The following NUP160 variants were observed in gnomAD, a reference collection of about 807,000 sequenced individuals.
NUP160 encodes the protein nucleoporin 160.
NUP160 carries 94 observed loss-of-function variants against 196.9 expected under a neutral mutation model. The ratio of observed to expected loss-of-function variants is 0.48; its 90% confidence interval spans 0.40 to 0.57. The LOEUF is 0.57. NUP160 is among the 20% of genes least tolerant of loss of function. The pLI is 0.00. For synonymous variants in NUP160, 605 were observed against 619.7 expected (o/e 0.98, Z 0.35); for missense variants, 1,638 against 1,748.3 (o/e 0.94, Z 1.13).
intron 7 of NUP160, chr11:47,827,074 C>G (rs950462538): frequency 4.4e-6 from 2 of 456,028 alleles, no homozygotes; most frequent in South Asian, 1.5e-5. Context: ...AGGGCACTTA[C>G]GAAAAATTCA....
intron 13 of NUP160, among the ~76,000 whole-genome samples, 159 bp from the exon 14 acceptor site, chr11:47,813,574 G>T (rs1216502949): frequency 1.3e-5 from 2 of 151,966 alleles, no homozygotes; most frequent in Admixed American, 6.6e-5. Flanking sequence ...TCACATCTGT[G>T]ATCCCAGCAG....
chr11:47,840,553 T>C, exon 3 of NUP160: 4 of 1,612,452 alleles, frequency 2.5e-6, no homozygotes, highest in Non-Finnish European at 2.5e-6. Context: ...GTCCAGTGAC[T>C]CCTCCATCAG....
At chr11:47,846,399 T>C (rs1402595732) in intron 2 of NUP160, among the ~76,000 whole-genome samples, 4 of 152,188 alleles carry the variant, frequency 2.6e-5, no homozygotes, top group African/African-American at 4.8e-5. Context: ...ACTTCAAATT[T>C]ACTATGTCCA....
Position 47,839,918 on chromosome 11 carries a change from C to T in NUP160, c.673G>A (p.Gly225Arg), listed in dbSNP as rs1211885882. Residue 225 changes from glycine to arginine, a missense_variant, in exon 4 of 36, where the codon GGG becomes AGG. Gly to Arg is a moderately radical substitution (Grantham distance 125, BLOSUM62 -2). Coordinates refer to ENST00000378460, the Ensembl canonical transcript of NUP160. ...CATGGTAAGGCAAACAGGGCCTCCC[C>T]ATCACTGCTGAGCCAGGCTGTAGAG... is the stretch of plus-strand genomic sequence containing the variant. The T allele has an allele frequency of 2.5e-6, 4 of 1,614,168 alleles. No individual in the cohort carries two copies. The East Asian group carries it at 6.7e-5, about 27-fold the overall frequency.
intron 29 of NUP160, among the ~76,000 whole-genome samples, chr11:47,789,715 T>C (rs1478482104): frequency 6.6e-6 from 1 of 151,824 alleles, no homozygotes; most frequent in Non-Finnish European, 1.5e-5. Context: ...ATGTATAGTA[T>C]ATAACAATGT....
intron 23 of NUP160, among the ~76,000 whole-genome samples, chr11:47,801,274 A>G (rs1432601585): frequency 6.6e-6 from 1 of 152,242 alleles, no homozygotes; most frequent in Non-Finnish European, 1.5e-5. Flanking sequence ...AGTTAAAAGT[A>G]TTTATTACAT....
chr11:47,845,148 AT>A lies in NUP160; in HGVS notation c.314+2699del, dbSNP rs907443724. On this transcript the variant is annotated intron_variant, in intron 2 of 35. Coordinates refer to ENST00000378460, the Ensembl canonical transcript of NUP160. ...ATGGAGTAGCCATTCTTTTATTTACATTTTTTTTTGAGATGCAGTTTTGCTC... is the reference window on the plus strand; with the variant it reads ...ATGGAGTAGCCATTCTTTTATTTACATTTTTTTTGAGATGCAGTTTTGCTC... Among the ~76,000 whole-genome samples the A allele has an allele frequency of 5.3e-5, 8 of 151,282 alleles. No homozygotes were observed. In the East Asian group the frequency reaches 7.8e-4, roughly 15 times the overall value.
chr11:47,832,243 T>C (rs4752872), intron 7 of NUP160, among the ~76,000 whole-genome samples: 18,706 of 152,092 alleles, frequency 0.12, 1,674 homozygotes, highest in East Asian at 0.31. Context: ...CCTCTGGTCA[T>C]TCCTGAGCAT....
intron 7 of NUP160, among the ~76,000 whole-genome samples, chr11:47,829,663 C>G (rs953328576): frequency 1.3e-5 from 2 of 152,062 alleles, no homozygotes; most frequent in Non-Finnish European, 2.9e-5. Context: ...AAAAAATGGG[C>G]ACATGAGAAG....
intron 33 of NUP160, among the ~76,000 whole-genome samples, 161 bp from the exon 34 acceptor site, chr11:47,783,359 C>A (rs1484841433): frequency 6.6e-6 from 1 of 151,424 alleles, no homozygotes. Flanking sequence ...GAGCTGATAA[C>A]AAATCTGGGG....
At chr11:47,819,329 T>G (rs774318007) in intron 10 of NUP160, 45 bp downstream of exon 10, 1 of 1,244,148 alleles carries the variant, frequency 8.0e-7, no homozygotes, top group Non-Finnish European at 1.2e-6. Context: ...AAAAAAAAGA[T>G]CAAAGTAAAT....
chr11:47,817,442 A>G (rs1272201483), intron 11 of NUP160, among the ~76,000 whole-genome samples: 3 of 150,554 alleles, frequency 2.0e-5, no homozygotes, highest in Non-Finnish European at 4.4e-5. Flanking sequence ...TCCCGGGTTC[A>G]AGAGATTAAT....
At chr11:47,836,004 T>C (rs1203950586) in intron 6 of NUP160, among the ~76,000 whole-genome samples, 195 bp from the exon 7 acceptor site, 1 of 152,208 alleles carries the variant, frequency 6.6e-6, no homozygotes, top group African/African-American at 2.4e-5. Flanking sequence ...CCCAGCACTC[T>C]GGGAGGCCGA....
chr11:47,795,662 TA>T (rs1265585036), intron 27 of NUP160, among the ~76,000 whole-genome samples: 1 of 152,154 alleles, frequency 6.6e-6, no homozygotes, highest in Non-Finnish European at 1.5e-5. Flanking sequence ...GCTGTTCTGA[TA>T]AATAATTCAT....
chr11:47,830,721 G>T (rs1192207150), intron 7 of NUP160, among the ~76,000 whole-genome samples: 1 of 152,182 alleles, frequency 6.6e-6, no homozygotes, highest in African/African-American at 2.4e-5. Context: ...TGGAGGTTGG[G>T]AGGAGGGAGT....
At chr11:47,821,661 CTCG>C in intron 9 of NUP160, 60 bp downstream of exon 9, 1 of 1,264,718 alleles carries the variant, frequency 7.9e-7, no homozygotes, top group Middle Eastern at 1.8e-4. Flanking sequence ...CGCCCGGCCT[CTCG>C]TCTTCTTAGC....
chr11:47,801,928 A>G, exon 23 of NUP160: 1 of 1,613,788 alleles, frequency 6.2e-7, no homozygotes, highest in Non-Finnish European at 8.5e-7. Context: ...AACATTCCAG[A>G]GCCTGGAGAA....
At chr11:47,807,386 C>T (rs936226561) in intron 18 of NUP160, among the ~76,000 whole-genome samples, 7 of 152,036 alleles carry the variant, frequency 4.6e-5, no homozygotes, top group Non-Finnish European at 7.4e-5. Context: ...TGAATCTCGG[C>T]GGGGTGTGGT....
intron 6 of NUP160, 39 bp downstream of exon 6, chr11:47,836,848 C>G: frequency 8.3e-7 from 1 of 1,207,926 alleles, no homozygotes; most frequent in Non-Finnish European, 1.2e-6. Context: ...GATTCACAAT[C>G]CTGTTTTAAC....
Sources: allele counts gnomAD v4.1 joint callset (sites outside exome capture counted in the v4.1 genomes callset), GRCh38; gene constraint gnomAD v4.1.1; transcripts MANE v1.5; gene names NCBI Gene and HGNC (gene_info 2026-07-23, HGNC 2026-07-21).